The following CCSER2 variants were observed in gnomAD, a reference collection of about 807,000 sequenced individuals.
The protein encoded by CCSER2 is coiled-coil serine rich protein 2, also known as serine-rich coiled-coil domain-containing protein 2.
CCSER2 carries 46 observed loss-of-function variants against 92.3 expected under a neutral mutation model. The ratio of observed to expected loss-of-function variants is 0.50; its 90% CI spans 0.39 to 0.64. The LOEUF (loss-of-function observed/expected upper bound fraction) is 0.64. Ranked by LOEUF, CCSER2 falls within the 30% of genes least tolerant of loss-of-function variation. The pLI is 0.00. For missense variants in CCSER2, 1,244 were observed against 1,238.9 expected (o/e 1.00, Z -0.06); for synonymous variants, 433 against 431.4 (o/e 1.00, Z -0.04).
chr10:84,405,989 G>A (rs577494796), intron 3 of CCSER2, among the ~76,000 whole-genome samples: 2 of 152,214 alleles, frequency 1.3e-5, no homozygotes, highest in East Asian at 1.9e-4. Context: ...ACAAAAAGTT[G>A]TACATGCATG....
intron 1 of CCSER2, among the ~76,000 whole-genome samples, chr10:84,335,871 A>G (rs777305491): frequency 2.1e-4 from 32 of 152,220 alleles, no homozygotes; most frequent in Non-Finnish European, 4.0e-4. Context: ...AACAGGGACT[A>G]TTCATAATAG....
At chr10:84,467,792 C>T (rs1846538485) in intron 7 of CCSER2, among the ~76,000 whole-genome samples, 1 of 152,188 alleles carries the variant, frequency 6.6e-6, no homozygotes, top group Non-Finnish European at 1.5e-5. Context: ...CAGTGTCACC[C>T]TTGAATGCTC....
intron 9 of CCSER2, among the ~76,000 whole-genome samples, chr10:84,495,331 A>G (rs951595364): frequency 6.6e-6 from 1 of 152,172 alleles, no homozygotes. Flanking sequence ...CACATTCTGT[A>G]TAATTTCAAT....
intron 1 of CCSER2, among the ~76,000 whole-genome samples, chr10:84,348,307 T>C (rs538543348): frequency 3.3e-5 from 5 of 152,206 alleles, no homozygotes; most frequent in Admixed American, 2.0e-4. Context: ...CGAAAACCAG[T>C]CAGGCGTGGC....
intron 3 of CCSER2, among the ~76,000 whole-genome samples, chr10:84,380,894 A>G (rs2133211499): frequency 6.6e-6 from 1 of 152,000 alleles, no homozygotes; most frequent in Non-Finnish European, 1.5e-5. Flanking sequence ...ATGGGGTTTC[A>G]CCGTGTTAGC....
intron 4 of CCSER2, among the ~76,000 whole-genome samples, chr10:84,418,426 AT>A (rs199954711): frequency 6.6e-6 from 1 of 151,892 alleles, no homozygotes; most frequent in African/African-American, 2.4e-5. Flanking sequence ...CACTTGTAGG[AT>A]TTTTTTTATC....
At chr10:84,477,209 A>G (rs905837389) in intron 8 of CCSER2, among the ~76,000 whole-genome samples, 3 of 152,190 alleles carry the variant, frequency 2.0e-5, no homozygotes, top group Non-Finnish European at 4.4e-5. Flanking sequence ...TTTATGGACA[A>G]TATAAGAGAT....
intron 6 of CCSER2, among the ~76,000 whole-genome samples, chr10:84,449,736 G>C (rs1265970980): frequency 1.3e-5 from 2 of 151,902 alleles, no homozygotes; most frequent in African/African-American, 4.8e-5. Flanking sequence ...TGCCTGTAAT[G>C]ATCAGGAGGC....
At chr10:84,436,464 T>C (rs1844155664) in intron 5 of CCSER2, among the ~76,000 whole-genome samples, 1 of 148,968 alleles carries the variant, frequency 6.7e-6, no homozygotes, top group South Asian at 2.1e-4. Context: ...TAAAACCCCG[T>C]CTGTACTAAA....
intron 1 of CCSER2, among the ~76,000 whole-genome samples, chr10:84,353,522 T>A (rs1023642922): frequency 6.6e-6 from 1 of 152,158 alleles, no homozygotes; most frequent in Non-Finnish European, 1.5e-5. Flanking sequence ...TTGAGTTTGC[T>A]CATAACGTTT....
chr10:84,432,958 A>G (rs1276214568), intron 5 of CCSER2, among the ~76,000 whole-genome samples: 2 of 152,174 alleles, frequency 1.3e-5, no homozygotes, highest in Non-Finnish European at 2.9e-5. Flanking sequence ...TTTGTTGAAA[A>G]GACTATCTTT....
intron 9 of CCSER2, among the ~76,000 whole-genome samples, chr10:84,483,956 TATATATATATATATATATATATA>T (rs1847622480): frequency 4.5e-5 from 4 of 89,154 alleles, no homozygotes; most frequent in Non-Finnish European, 5.8e-5. Context: ...GGCTAATTTA[TATATATATATATATATATATATA>T]TATATATATA....
chr10:84,346,985 TAGCGAGCATGCTGCCTTC>T (rs1239052488), intron 1 of CCSER2, among the ~76,000 whole-genome samples: 2 of 151,964 alleles, frequency 1.3e-5, no homozygotes, highest in African/African-American at 2.4e-5. Flanking sequence ...TGATGACTCT[TAGCGAGCATGCTGCCTTC>T]AAGCATCTGT....
Position 84,425,852 on chromosome 10 carries a change from C to A in CCSER2, c.1827C>A (p.His609Gln), listed in dbSNP as rs765396988. The stretch of plus-strand genomic sequence containing the variant: ...GACAGGAGCATTACCACCTCAGCCA[C>A]CCTGACCACTATCATCACCATGGAA... ...WSGQEHYHLSHPDHYHHHGKS... is the reference protein window; with the variant it reads ...WSGQEHYHLSQPDHYHHHGKS... The change falls in exon 5 of 10, where the codon CAC becomes CAA. Residue 609 changes from histidine to glutamine, a missense_variant. By Grantham distance (24) the His-to-Gln change is conservative. Transcript: ENST00000372088. The A allele has an allele frequency of 2.2e-5, 36 of 1,611,820 alleles. No individual in the cohort carries two copies. The highest frequency in any genetic ancestry group is 3.1e-5 in the Non-Finnish European group (36 of 1,178,814).
At chr10:84,453,931 G>A (rs888371227) in intron 6 of CCSER2, among the ~76,000 whole-genome samples, 6 of 152,090 alleles carry the variant, frequency 3.9e-5, no homozygotes, top group African/African-American at 1.4e-4. Context: ...TGATTGTTGA[G>A]ATTTATCTGG....
At position 84,455,749 on chromosome 10, in the gene CCSER2, C is replaced by G. The variant is rs903412433; in HGVS notation, c.2065-8184C>G. On this transcript the variant is annotated intron_variant, in intron 6 of 9. Coordinates refer to ENST00000372088, the MANE Select transcript of CCSER2 (RefSeq NM_001284240.2). ...TCTCTGTAAAATGCACCTGCACATT[C>G]TCAGAGGGAACTTGATGAACTCCAG... The G allele has an allele frequency of 1.2e-5, 13 of 1,046,186 alleles. No individual in the cohort carries two copies. The Admixed American group carries it at 1.9e-4, about 15-fold the overall frequency. 64.8% of individuals were successfully genotyped at this position (1,046,186 alleles called of 1,614,324 possible). A position where few individuals can be genotyped will look rare whatever the true frequency, so the allele number is the denominator to read the frequency against.
chr10:84,362,755 C>T (rs7908176), intron 1 of CCSER2, among the ~76,000 whole-genome samples: 31,935 of 152,000 alleles, frequency 0.21, 3,610 homozygotes, highest in Admixed American at 0.34. Flanking sequence ...TGGAAGTAAG[C>T]GCACCATTTT....
chr10:84,385,031 A>ACACACACACACACC (rs1356165226), intron 3 of CCSER2, among the ~76,000 whole-genome samples: 5 of 152,116 alleles, frequency 3.3e-5, no homozygotes, highest in African/African-American at 1.2e-4. Flanking sequence ...ACACACACAC[A>ACACACACACACACC]CACCCAGGAA....
intron 1 of CCSER2, among the ~76,000 whole-genome samples, chr10:84,340,035 G>A (rs954591369): frequency 3.3e-5 from 5 of 151,754 alleles, no homozygotes; most frequent in African/African-American, 9.7e-5. Flanking sequence ...CAGAGGCGGG[G>A]TTTCACTATG....
Sources: gnomAD v4.1 joint callset for allele counts (sites outside exome capture counted in the v4.1 genomes callset) on GRCh38, gnomAD v4.1.1 for gene constraint, MANE v1.5 for transcripts, NCBI Gene and HGNC (gene_info 2026-07-23, HGNC 2026-07-21) for gene names.